The following GPR155 variants were observed in gnomAD, a reference collection of about 807,000 sequenced individuals.
GPR155 encodes the protein lysosomal cholesterol signaling protein.
A neutral mutation model predicts 93.1 loss-of-function variants in GPR155; 65 were observed. The observed-to-expected ratio is 0.70, with a 90% CI of 0.57 to 0.86. The LOEUF (loss-of-function observed/expected upper bound fraction) is 0.86, where lower values mean the gene tolerates loss of function less well. Ranked by LOEUF, GPR155 falls within the 40% of genes least tolerant of loss-of-function variation. The probability of loss-of-function intolerance (pLI) is 0.00; values close to 1 mark genes in which losing one functional copy is unlikely to be tolerated. For synonymous variants in GPR155, 319 were observed against 360.1 expected (o/e 0.89, Z 1.29); for missense variants, 838 against 1,034.8 (o/e 0.81, Z 2.61).
intron 2 of GPR155, among the ~76,000 whole-genome samples, chr2:174,478,753 C>T (rs1430486416): frequency 1.3e-5 from 2 of 151,862 alleles, no homozygotes; most frequent in Non-Finnish European, 2.9e-5. Flanking sequence ...TCTTATAACC[C>T]ATGATCGATG....
chr2:174,486,426 G>A (rs1688482004), intron 1 of GPR155, among the ~76,000 whole-genome samples: 1 of 152,142 alleles, frequency 6.6e-6, no homozygotes, highest in Non-Finnish European at 1.5e-5. Flanking sequence ...GTCTTCCCAG[G>A]GCACGGGAGT....
intron 9 of GPR155, 91 bp downstream of exon 9, chr2:174,461,311 C>T (rs1687685604): frequency 3.9e-6 from 3 of 772,716 alleles, no homozygotes; most frequent in African/African-American, 3.5e-5. Flanking sequence ...AATAGATTTT[C>T]AAAGTTAATT....
At chr2:174,457,497 C>T (rs752992325) in intron 10 of GPR155, among the ~76,000 whole-genome samples, 40 of 152,006 alleles carry the variant, frequency 2.6e-4, no homozygotes, top group Admixed American at 4.6e-4. Flanking sequence ...TGCTCTGTCA[C>T]CCAGACTGGA....
intron 10 of GPR155, among the ~76,000 whole-genome samples, chr2:174,459,174 C>CT (rs1323952647): frequency 6.6e-6 from 1 of 152,156 alleles, no homozygotes; most frequent in Admixed American, 6.5e-5. Flanking sequence ...GGCCTATGGA[C>CT]TATAGTTTGC....
chr2:174,442,278 G>A (rs966472377), intron 13 of GPR155, 95 bp from the exon 14 acceptor site: 14 of 715,918 alleles, frequency 2.0e-5, no homozygotes, highest in Non-Finnish European at 2.8e-5. Flanking sequence ...TGTTTGAGGA[G>A]ACAAACCTAT....
At chr2:174,440,468 C>T (rs1282407716) in intron 14 of GPR155, among the ~76,000 whole-genome samples, 1 of 151,858 alleles carries the variant, frequency 6.6e-6, no homozygotes, top group African/African-American at 2.4e-5. Context: ...AACTGGAGTA[C>T]GAAACAGTTT....
chr2:174,446,811 G>C, intron 11 of GPR155, 64 bp from the exon 12 acceptor site: 1 of 1,436,620 alleles, frequency 7.0e-7, no homozygotes, highest in Non-Finnish European at 9.7e-7. Context: ...TTTTAAATTT[G>C]TAATGACTTC....
intron 15 of GPR155, among the ~76,000 whole-genome samples, chr2:174,439,213 G>A (rs1686880048): frequency 6.6e-6 from 1 of 152,028 alleles, no homozygotes; most frequent in Admixed American, 6.6e-5. Flanking sequence ...CATATTTTCA[G>A]TTATAGACAT....
At chr2:174,436,949 C>G (rs940216437) in intron 15 of GPR155, among the ~76,000 whole-genome samples, 1 of 152,152 alleles carries the variant, frequency 6.6e-6, no homozygotes, top group Non-Finnish European at 1.5e-5. Flanking sequence ...TTGCCCTCAG[C>G]AGGCAAGACA....
At chr2:174,457,016 A>C (rs1305258666) in intron 10 of GPR155, among the ~76,000 whole-genome samples, 1 of 152,202 alleles carries the variant, frequency 6.6e-6, no homozygotes, top group African/African-American at 2.4e-5. Context: ...TATTTCTTTT[A>C]AAAAAGAAAA....
In GPR155 at chr2:174,471,090, A is replaced by G. The variant is rs73022175; in HGVS notation, c.861-535T>C. Among the ~76,000 whole-genome samples the G allele has an allele frequency of 8.6e-3, 1,312 of 152,050 alleles. 17 individuals are homozygous for G. Among genetic ancestry groups the G allele is most frequent in the African/African-American group, 0.029 (1,215 of 41,504 alleles). ...GTTCAGTTAATAACAACATTGCTTA[A>G]TAAGATTCTAAAATCCTGCCGGCAT... On this transcript the variant is annotated intron_variant, in intron 3 of 15. Coordinates refer to ENST00000392552, the MANE Select transcript of GPR155 (RefSeq NM_152529.7).
chr2:174,468,807 T>C, intron 5 of GPR155, 105 bp downstream of exon 5: 1 of 989,800 alleles, frequency 1.0e-6, no homozygotes, highest in Non-Finnish European at 1.5e-6. Flanking sequence ...GGCTTTAGCT[T>C]TCTTTATTTC....
At chr2:174,443,331 T>G (rs1341104480) in intron 13 of GPR155, among the ~76,000 whole-genome samples, 1 of 152,216 alleles carries the variant, frequency 6.6e-6, no homozygotes, top group Non-Finnish European at 1.5e-5. Flanking sequence ...CTCATTCATA[T>G]GGCAAATTAT....
At chr2:174,441,474 A>G (rs1402878105) in intron 14 of GPR155, among the ~76,000 whole-genome samples, 2 of 151,858 alleles carry the variant, frequency 1.3e-5, no homozygotes, top group Non-Finnish European at 2.9e-5. Context: ...GGGTACATGT[A>G]AAAAACATGC....
intron 2 of GPR155, 39 bp downstream of exon 2, chr2:174,481,458 T>A: frequency 1.6e-6 from 2 of 1,268,224 alleles, no homozygotes; most frequent in Non-Finnish European, 2.2e-6. Context: ...AAATTAAAAT[T>A]GAATTTTTTA....
chr2:174,468,412 T>A (rs1175125103), intron 5 of GPR155, among the ~76,000 whole-genome samples: 1 of 152,224 alleles, frequency 6.6e-6, no homozygotes, highest in Non-Finnish European at 1.5e-5. Context: ...ATATTCAGTT[T>A]GAGAAGTAAC....
rs183324476 is a variant in GPR155, at chr2:174,475,590, T to G, written c.461-2226A>C. Among the ~76,000 whole-genome samples the G allele has an allele frequency of 2.4e-3, 365 of 152,270 alleles. 2 individuals are homozygous for G. The highest frequency in any genetic ancestry group is 8.5e-3 in the African/African-American group (355 of 41,564). ...AATGAAGCAGTGGCTAAAAAATATT[T>G]GATTACATAAAACTTTATAAGTTCT... On this transcript the variant is annotated intron_variant, in intron 2 of 15. Coordinates refer to ENST00000392552, the MANE Select transcript of GPR155 (RefSeq NM_152529.7).
intron 7 of GPR155, among the ~76,000 whole-genome samples, chr2:174,462,538 G>C (rs998509202): frequency 2.6e-5 from 4 of 152,138 alleles, no homozygotes; most frequent in African/African-American, 7.2e-5. Context: ...TGAACTGCTG[G>C]CCTCAAGTGA....
chr2:174,439,161 A>G (rs567765568), intron 15 of GPR155, among the ~76,000 whole-genome samples: 25 of 152,244 alleles, frequency 1.6e-4, no homozygotes, highest in Non-Finnish European at 2.9e-4. Flanking sequence ...GTGGCATAAT[A>G]TATGTAAATA....
Sources: gnomAD v4.1 joint callset for allele counts (sites outside exome capture counted in the v4.1 genomes callset) on GRCh38, gnomAD v4.1.1 for gene constraint, MANE v1.5 for transcripts, NCBI Gene and HGNC (gene_info 2026-07-23, HGNC 2026-07-21) for gene names.